Variants in CPLANE1 observed in about 807,000 individuals in gnomAD.
The protein encoded by CPLANE1 is ciliogenesis and planar polarity effector 1.
In CPLANE1, 263 loss-of-function variants were observed where a neutral mutation model predicts 362.5. The observed-to-expected ratio is 0.73, with a 90% CI of 0.66 to 0.80. The LOEUF (loss-of-function observed/expected upper bound fraction) is 0.80, where lower values mean the gene tolerates loss of function less well. Ranked by LOEUF, CPLANE1 falls within the 30% of genes least tolerant of loss-of-function variation. The pLI is 0.00. For missense variants in CPLANE1, 3,461 were observed against 3,793.4 expected (o/e 0.91, Z 2.30); for synonymous variants, 1,212 against 1,302.6 (o/e 0.93, Z 1.50).
chr5:37,088,062 G>A, the CPLANE1 span, among the ~76,000 whole-genome samples: 1 of 152,318 alleles, frequency 6.6e-6, no homozygotes, highest in East Asian at 1.9e-4. Flanking sequence ...TGATCCCCAG[G>A]CCTATGCTCA....
At chr5:37,227,897 A>T in intron 9 of CPLANE1, 80 bp from the exon 10 acceptor site, 1 of 1,340,594 alleles carries the variant, frequency 7.5e-7, no homozygotes, top group Middle Eastern at 2.3e-4. Flanking sequence ...AAAAAAGAAG[A>T]AAAAGTTACA....
chr5:37,088,932 G>A, the CPLANE1 span, among the ~76,000 whole-genome samples: 1 of 152,234 alleles, frequency 6.6e-6, no homozygotes, highest in Middle Eastern at 3.4e-3. Flanking sequence ...ATGATGGACT[G>A]TAAAGGTCTG....
At chr5:37,084,793 T>TAA in the CPLANE1 span, among the ~76,000 whole-genome samples, 10 of 144,728 alleles carry the variant, frequency 6.9e-5, no homozygotes, top group Non-Finnish European at 1.4e-4. Flanking sequence ...TCTTTTTTTT[T>TAA]AAAAAAAAAA....
rs1294288778 is a variant in CPLANE1 at position 37,248,961 on chromosome 5, G to C, written c.-48+284C>G. Reference sequence around the variant, plus strand: ...CGGGTCCGGTGCCGAGGTGTGGCCCGAGCCTGGCACCACCCACGCCGGCCG... The same window carrying C: ...CGGGTCCGGTGCCGAGGTGTGGCCCCAGCCTGGCACCACCCACGCCGGCCG... On this transcript the variant is annotated intron_variant, in intron 1 of 52. Transcript: ENST00000651892. 3.3e-5 allele frequency among the ~76,000 whole-genome samples: 5 copies of C among 152,310 alleles called. 1 individual carries two copies. The highest frequency in any genetic ancestry group is 1.2e-4 in the African/African-American group (5 of 41,576).
In CPLANE1 at chr5:37,197,107, C is replaced by T. The variant is rs1018944805; in HGVS notation, c.3673-1111G>A. Among the ~76,000 whole-genome samples the T allele has an allele frequency of 2.1e-5, 3 of 145,428 alleles. No individual in the cohort carries two copies. The East Asian group carries it at 6.8e-4, about 33-fold the overall frequency. ...TAGAATATGGTGCAGGAAAAATTACCTAGTTTTTTTTTTAACAAACCAAGA... is the reference window on the plus strand; with the variant it reads ...TAGAATATGGTGCAGGAAAAATTACTTAGTTTTTTTTTTAACAAACCAAGA... On this transcript the variant is annotated intron_variant, in intron 20 of 52. Coordinates refer to ENST00000651892, the MANE Select transcript of CPLANE1 (RefSeq NM_001384732.1).
At chr5:37,102,118 T>C (rs1757321739), downstream of CPLANE1, among the ~76,000 whole-genome samples, 2 of 152,168 alleles carry the variant, frequency 1.3e-5, no homozygotes, top group Admixed American at 6.5e-5. Context: ...GGTTATTTCT[T>C]GTCTCCTGCT....
In CPLANE1 at chr5:37,235,567, CTTTTTTT is replaced by C. The variant is rs546612161; in HGVS notation, c.938+3283_938+3289del. On this transcript the variant is annotated intron_variant, in intron 8 of 52. Coordinates refer to ENST00000651892, the MANE Select transcript of CPLANE1 (RefSeq NM_001384732.1). ...CTGGAGGTATCATATTATCTAATTT[CTTTTTTT>C]TTTTTTTTTTTTTTTTGCAATGGAG... 8.6e-5 allele frequency among the ~76,000 whole-genome samples: 8 copies of C among 93,356 alleles called. 1 individual carries two copies. The East Asian group carries it at 2.6e-3, about 30-fold the overall frequency. The allele number at this position is 93,356 out of a possible 152,430, so 61.2% of individuals were successfully genotyped here.
downstream of CPLANE1, among the ~76,000 whole-genome samples, chr5:37,102,743 T>C (rs1757354188): frequency 2.0e-5 from 3 of 152,240 alleles, no homozygotes; most frequent in African/African-American, 7.2e-5. Flanking sequence ...AATCTTGAGT[T>C]CTAACTTGAT....
intron 26 of CPLANE1, among the ~76,000 whole-genome samples, chr5:37,182,413 T>C (rs1468620817): frequency 6.6e-6 from 1 of 152,176 alleles, no homozygotes; most frequent in South Asian, 2.1e-4. Flanking sequence ...TAATTAAAAC[T>C]ACAGAGCCAC....
Position 37,209,529 on chromosome 5 carries a change from G to A in CPLANE1, c.2921-3104C>T. On this transcript the variant is annotated intron_variant, in intron 16 of 52. Coordinates refer to ENST00000651892, the MANE Select transcript of CPLANE1 (RefSeq NM_001384732.1). The surrounding 1 kb of genome is among the most constrained non-coding windows in gnomAD (Gnocchi z 4.6). ...GTTAATGCACCCTGTATTGAGTGGAGAACTGCAACCTCAGTCCATTTCAGT... is the reference window on the plus strand; with the variant it reads ...GTTAATGCACCCTGTATTGAGTGGAAAACTGCAACCTCAGTCCATTTCAGT... 7.7e-7 allele frequency: 1 copy of A among 1,292,524 alleles called. No individual in the cohort carries two copies. The highest frequency in any genetic ancestry group is 1.1e-6 in the Non-Finnish European group (1 of 888,424). 80.1% of individuals were successfully genotyped at this position (1,292,524 alleles called of 1,614,324 possible).
chr5:37,114,911 AAG>A, intron 51 of CPLANE1, 47 bp downstream of exon 51: 4 of 1,201,338 alleles, frequency 3.3e-6, no homozygotes, highest in Non-Finnish European at 4.8e-6. Flanking sequence ...AAAAAAAAAA[AAG>A]AAAATTCAGT....
intron 46 of CPLANE1, among the ~76,000 whole-genome samples, chr5:37,132,470 G>A (rs1311751539): frequency 4.0e-5 from 6 of 148,516 alleles, no homozygotes; most frequent in Admixed American, 2.1e-4. Flanking sequence ...TCAGCCTCCC[G>A]AGTAGCTGGG....
intron 46 of CPLANE1, among the ~76,000 whole-genome samples, chr5:37,136,365 T>C (rs1225998549): frequency 1.3e-5 from 2 of 152,250 alleles, no homozygotes; most frequent in African/African-American, 4.8e-5. Context: ...GTCATGCTGA[T>C]GCAAGAGGTG....
At chr5:37,081,941 G>A in the CPLANE1 span, among the ~76,000 whole-genome samples, 1 of 151,962 alleles carries the variant, frequency 6.6e-6, no homozygotes, top group African/African-American at 2.4e-5. Flanking sequence ...TGGAGTTTGC[G>A]ACCAGCCTAA....
intron 21 of CPLANE1, among the ~76,000 whole-genome samples, chr5:37,190,115 A>G (rs192763528): frequency 1.8e-4 from 27 of 152,302 alleles, no homozygotes; most frequent in Admixed American, 4.6e-4. Flanking sequence ...TTGCTATAAA[A>G]TCTGCACTTA....
intron 44 of CPLANE1, chr5:37,141,829 C>A: frequency 1.0e-6 from 1 of 957,726 alleles, no homozygotes; most frequent in Non-Finnish European, 1.2e-6. Flanking sequence ...GCACTAAATC[C>A]TTCTAAATCT....
rs606231261 is a variant in CPLANE1, at chr5:37,187,795, C to T, written c.3859G>A (p.Asp1287Asn). The T allele has an allele frequency of 6.2e-7, 1 of 1,613,866 alleles. No individual in the cohort carries two copies. Among genetic ancestry groups the T allele is most frequent in the East Asian group, 2.2e-5 (1 of 44,838 alleles). Residue 1287 changes from aspartate to asparagine, a missense_variant, in exon 22 of 53, where the codon GAT becomes AAT. Transcript: ENST00000651892. ...TGCCTGCAACTATAGGATAACTTAT[C>T]ACGGACATGCAGCATCCAACACAGA... ...CALCWMLHVR[D>N]KLSYSCRQYQ...
intron 47 of CPLANE1, 27 bp from the exon 48 acceptor site, chr5:37,122,515 A>T: frequency 1.9e-6 from 3 of 1,559,266 alleles, no homozygotes; most frequent in Non-Finnish European, 2.6e-6. Flanking sequence ...CAGTTGGTTC[A>T]TTATTGTTCA....
At chr5:37,114,910 A>G (rs1345003199) in intron 51 of CPLANE1, 50 bp downstream of exon 51, 1 of 1,205,888 alleles carries the variant, frequency 8.3e-7, no homozygotes, top group East Asian at 2.4e-5. Context: ...AAAAAAAAAA[A>G]AAGAAAATTC....
Sources: gnomAD v4.1 joint callset for allele counts (sites outside exome capture counted in the v4.1 genomes callset) on GRCh38, gnomAD v4.1.1 for gene constraint, Gnocchi (gnomAD v3.1) non-coding constraint, MANE v1.5 for transcripts, NCBI Gene and HGNC (gene_info 2026-07-23, HGNC 2026-07-21) for gene names.